The following ANXA3 variants were observed in gnomAD, a reference collection of about 807,000 sequenced individuals.
ANXA3 encodes the protein annexin A3, also known as 35-alpha calcimedin.
In ANXA3, 46 loss-of-function variants were observed where a neutral mutation model predicts 48.8. That is an observed-to-expected ratio of 0.94 (90% confidence interval 0.74 to 1.21). ANXA3 has a LOEUF of 1.21. Among genes scored for constraint, ANXA3 ranks in the 50% most tolerant of loss-of-function variants. The pLI is 0.00. For synonymous variants in ANXA3, 128 were observed against 134.7 expected (o/e 0.95, Z 0.35); for missense variants, 383 against 378.6 (o/e 1.01, Z -0.10).
intron 7 of ANXA3, among the ~76,000 whole-genome samples, chr4:78,593,472 G>A (rs907084117): frequency 1.3e-5 from 2 of 150,524 alleles, no homozygotes; most frequent in African/African-American, 4.9e-5. Context: ...AAAGTGCTGG[G>A]ATTACAGGCG....
chr4:78,574,591 C>T (rs1159592170), intron 3 of ANXA3, among the ~76,000 whole-genome samples: 1 of 152,174 alleles, frequency 6.6e-6, no homozygotes, highest in African/African-American at 2.4e-5. Flanking sequence ...TGCATGGTCT[C>T]AAACAGCATA....
intron 2 of ANXA3, among the ~76,000 whole-genome samples, chr4:78,564,243 A>G (rs896922023): frequency 1.3e-5 from 2 of 152,218 alleles, no homozygotes; most frequent in Non-Finnish European, 2.9e-5. Flanking sequence ...GATGTAACAG[A>G]ATCACCAGAC....
rs148432198 is a variant in ANXA3, at chr4:78,586,282, C to G, written c.335C>G (p.Ala112Gly). 1.1e-5 allele frequency: 18 copies of G among 1,613,388 alleles called. No homozygotes were observed. Among genetic ancestry groups the G allele is most frequent in the African/African-American group, 4.0e-5 (3 of 74,876 alleles). The change falls in exon 6 of 13, where the codon GCC becomes GGC. Residue 112 changes from alanine to glycine, a missense_variant. By Grantham distance (60) the Ala-to-Gly change is moderately conservative. Transcript: ENST00000264908. ...SMKGAGTNED[A>G]LIEILTTRTS... is the part of the protein sequence containing the mutation. ...TAGGGCGCGGGAACAAACGAAGATG[C>G]CTTGATTGAAATCTTAACTACCAGG...
intron 2 of ANXA3, among the ~76,000 whole-genome samples, chr4:78,560,178 A>T (rs772261215): frequency 6.6e-6 from 1 of 152,180 alleles, no homozygotes; most frequent in Admixed American, 6.5e-5. Context: ...TTCCACTCCT[A>T]GTGGGCATAC....
chr4:78,595,251 G>C (rs1723394084), intron 7 of ANXA3, 130 bp from the exon 8 acceptor site: 1 of 958,114 alleles, frequency 1.0e-6, no homozygotes, highest in Admixed American at 2.0e-5. Context: ...GGAGCCCTGA[G>C]TACATGATTT....
intron 3 of ANXA3, among the ~76,000 whole-genome samples, chr4:78,573,514 G>T (rs1484960811): frequency 2.0e-5 from 3 of 152,112 alleles, no homozygotes; most frequent in Non-Finnish European, 4.4e-5. Context: ...CAAATGCCGG[G>T]GGAATCTCAA....
At chr4:78,574,460 C>T (rs562204079) in intron 3 of ANXA3, among the ~76,000 whole-genome samples, 3 of 152,174 alleles carry the variant, frequency 2.0e-5, no homozygotes, top group African/African-American at 4.8e-5. Flanking sequence ...AACACAATCC[C>T]GTCAGTTCTT....
At chr4:78,574,218 A>G (rs1001033395) in intron 3 of ANXA3, among the ~76,000 whole-genome samples, 2 of 152,172 alleles carry the variant, frequency 1.3e-5, no homozygotes, top group Non-Finnish European at 2.9e-5. Flanking sequence ...CAGGAGTTCA[A>G]CACCAGCCTG....
intron 7 of ANXA3, among the ~76,000 whole-genome samples, chr4:78,592,766 G>A: frequency 6.6e-6 from 1 of 152,130 alleles, no homozygotes; most frequent in South Asian, 2.1e-4. Flanking sequence ...AAGAGAAAGA[G>A]AGAGTATGTG....
intron 2 of ANXA3, among the ~76,000 whole-genome samples, chr4:78,555,723 T>C (rs1722498644): frequency 6.6e-6 from 1 of 151,210 alleles, no homozygotes. Flanking sequence ...TTGTGGGGTG[T>C]ACCCATGGTC....
chr4:78,598,242 C>CATA (rs1723462897), intron 10 of ANXA3, among the ~76,000 whole-genome samples: 1 of 151,120 alleles, frequency 6.6e-6, no homozygotes, highest in Non-Finnish European at 1.5e-5. Context: ...GGTAATCCAC[C>CATA]ATATTTGGTT....
intron 3 of ANXA3, 96 bp downstream of exon 3, chr4:78,573,363 T>A: frequency 1.2e-6 from 1 of 856,208 alleles, no homozygotes; most frequent in Non-Finnish European, 1.9e-6. Context: ...TTACTCAATT[T>A]AATAAATTGT....
At chr4:78,556,335 A>G (rs1230223756) in intron 2 of ANXA3, among the ~76,000 whole-genome samples, 1 of 152,254 alleles carries the variant, frequency 6.6e-6, no homozygotes, top group Non-Finnish European at 1.5e-5. Flanking sequence ...GTAATAATTT[A>G]AAAAATCAAC....
chr4:78,554,327 C>T (rs996434638), intron 1 of ANXA3, 109 bp from the exon 2 acceptor site: 11 of 774,116 alleles, frequency 1.4e-5, no homozygotes, highest in Non-Finnish European at 1.7e-5. Context: ...GAAGGTTTTT[C>T]TGTGAATGTT....
intron 10 of ANXA3, among the ~76,000 whole-genome samples, 174 bp from the exon 11 acceptor site, chr4:78,601,336 G>A (rs1173008975): frequency 5.3e-5 from 8 of 152,182 alleles, no homozygotes; most frequent in Admixed American, 4.6e-4. Context: ...GGTATTAAAA[G>A]GCTATGAAAA....
At chr4:78,587,381 C>A (rs956040527) in intron 6 of ANXA3, among the ~76,000 whole-genome samples, 2 of 152,200 alleles carry the variant, frequency 1.3e-5, no homozygotes, top group African/African-American at 4.8e-5. Flanking sequence ...ATATTGTTAG[C>A]ATAACTGAGC....
chr4:78,557,161 A>T (rs906912309), intron 2 of ANXA3, among the ~76,000 whole-genome samples: 19 of 152,202 alleles, frequency 1.2e-4, no homozygotes, highest in Non-Finnish European at 2.4e-4. Context: ...GCTGGCTGCC[A>T]GCAGAAGCTG....
chr4:78,556,596 G>A (rs1722515277), intron 2 of ANXA3, among the ~76,000 whole-genome samples: 1 of 152,070 alleles, frequency 6.6e-6, no homozygotes, highest in Non-Finnish European at 1.5e-5. Context: ...CCATCCCTTG[G>A]CCTGGCGTAT....
intron 11 of ANXA3, chr4:78,602,262 A>C (rs973606965): frequency 3.3e-5 from 5 of 151,846 alleles, no homozygotes; most frequent in Non-Finnish European, 7.4e-5. Context: ...AAAAAAAGAA[A>C]ATGAGAAGGT....
Sources: allele counts gnomAD v4.1 joint callset (sites outside exome capture counted in the v4.1 genomes callset), GRCh38; gene constraint gnomAD v4.1.1; transcripts MANE v1.5; gene names NCBI Gene and HGNC (gene_info 2026-07-23, HGNC 2026-07-21).